The following EEF2KMT variants were observed in gnomAD, a reference collection of about 807,000 sequenced individuals.
EEF2KMT encodes eukaryotic elongation factor 2 lysine methyltransferase.
Under a neutral mutation model 35.1 loss-of-function variants are expected in EEF2KMT, and 30 were observed. That is an observed-to-expected ratio of 0.85 (90% CI 0.64 to 1.16). The LOEUF is 1.16. Ranked by LOEUF, EEF2KMT falls within the 50% of genes most tolerant of loss-of-function variation. The probability of loss-of-function intolerance (pLI) is 0.00; values close to 1 mark genes in which losing one functional copy is unlikely to be tolerated. For synonymous variants in EEF2KMT, 190 were observed against 187.7 expected (o/e 1.01, Z -0.10); for missense variants, 499 against 438.2 (o/e 1.14, Z -1.24).
At chr16:5,096,206 C>T (rs1957460953) in intron 1 of EEF2KMT, among the ~76,000 whole-genome samples, 1 of 152,188 alleles carries the variant, frequency 6.6e-6, no homozygotes, top group Non-Finnish European at 1.5e-5. Context: ...CCACTCAGGC[C>T]CCAGTTCAAA....
At chr16:5,091,582 G>T (rs1957341225) in intron 4 of EEF2KMT, among the ~76,000 whole-genome samples, 1 of 152,216 alleles carries the variant, frequency 6.6e-6, no homozygotes, top group African/African-American at 2.4e-5. Flanking sequence ...TCACCTATTG[G>T]ATAAGTGCCC....
chr16:5,095,081 C>CA (rs1367163801), intron 2 of EEF2KMT, among the ~76,000 whole-genome samples: 1 of 152,194 alleles, frequency 6.6e-6, no homozygotes, highest in Admixed American at 6.5e-5. Flanking sequence ...CTAGAGGAGA[C>CA]AGGAGTGGGC....
At position 5,097,634 on chromosome 16, in the gene EEF2KMT, C is replaced by G. The variant is rs1232920594; in HGVS notation, c.96+10G>C. The G allele has an allele frequency of 1.3e-6, 2 of 1,552,288 alleles. No individual in the cohort carries two copies. The highest frequency in any genetic ancestry group is 1.2e-5 in the South Asian group (1 of 85,100). On this transcript the variant is annotated intron_variant, in intron 1 of 7. Transcript: ENST00000427587. ...GCCCCGCGGGCCTCTCCGCTCGCCC[C>G]GCCGCCCACCTGCCAGGGGAAGGAG... is the stretch of plus-strand genomic sequence containing the variant.
rs9745522 is a variant in EEF2KMT at position 5,084,773 on chromosome 16, T to A, written c.*859A>T. On this transcript the variant is annotated 3_prime_UTR_variant, in exon 8 of 8. Coordinates refer to ENST00000427587, the MANE Select transcript of EEF2KMT (RefSeq NM_201400.4). ...AGATGCTTTTCTCAAACTTTCCTGATCCTGCGGGCAAGCTAAACCAGTTCC... is the reference window on the plus strand; with the variant it reads ...AGATGCTTTTCTCAAACTTTCCTGAACCTGCGGGCAAGCTAAACCAGTTCC... The A allele has an allele frequency of 0.1, 167,349 of 1,595,586 alleles. 8,236 individuals carry two copies. The highest frequency in any genetic ancestry group is 0.16 in the Admixed American group (9,644 of 59,974).
At chr16:5,092,046 G>C (rs1243095769) in intron 3 of EEF2KMT, 151 bp from the exon 4 acceptor site, 3 of 1,452,390 alleles carry the variant, frequency 2.1e-6, no homozygotes, top group Non-Finnish European at 9.3e-7. Flanking sequence ...GTTGGGCTTG[G>C]TGGTGTGTGC....
chr16:5,097,318 G>C, intron 1 of EEF2KMT: 1 of 1,378,886 alleles, frequency 7.3e-7, no homozygotes, highest in Non-Finnish European at 9.5e-7. Flanking sequence ...GAATGGGCGA[G>C]GGCAGCTGTG....
intron 2 of EEF2KMT, among the ~76,000 whole-genome samples, chr16:5,094,103 C>T (rs1957402016): frequency 6.6e-6 from 1 of 152,150 alleles, no homozygotes; most frequent in South Asian, 2.1e-4. Context: ...GAAAGGAGGG[C>T]AGAGGGACTG....
intron 2 of EEF2KMT, among the ~76,000 whole-genome samples, chr16:5,094,762 G>A (rs1168452991): frequency 1.4e-5 from 2 of 138,838 alleles, no homozygotes; most frequent in Admixed American, 7.1e-5. Context: ...CTCTAGCACA[G>A]GAATTCTTCA....
Position 5,089,275 on chromosome 16 carries a change from G to A in EEF2KMT, c.743-19C>T, listed in dbSNP as rs371553812. ...AGCACATCTATGGTGAAAGCTTCAGGTTACTGAAAGGGACCAGTGGACAGG... is the reference window on the plus strand; with the variant it reads ...AGCACATCTATGGTGAAAGCTTCAGATTACTGAAAGGGACCAGTGGACAGG... On this transcript the variant is annotated intron_variant, in intron 6 of 7. Coordinates refer to ENST00000427587, the MANE Select transcript of EEF2KMT (RefSeq NM_201400.4). The A allele has an allele frequency of 1.8e-5, 29 of 1,601,010 alleles. No homozygotes were observed. The East Asian group carries it at 2.2e-4, about 12-fold the overall frequency.
chr16:5,093,210 T>C (rs1438316222), intron 3 of EEF2KMT, among the ~76,000 whole-genome samples: 1 of 152,002 alleles, frequency 6.6e-6, no homozygotes, highest in Admixed American at 6.6e-5. Flanking sequence ...GCCAGCCTGG[T>C]AGGAATGAGA....
Position 5,097,131 on chromosome 16 carries a change from G to C in EEF2KMT, c.96+513C>G, listed in dbSNP as rs1957487436. 3 of 374,400 alleles carry C rather than the reference G, an allele frequency of 8.0e-6. No individual in the cohort carries two copies. In the South Asian group the frequency reaches 1.0e-4, roughly 13 times the overall value. 23.2% of individuals were successfully genotyped at this position (374,400 alleles called of 1,614,324 possible). ...ATGGCAGGTCCCCAGGGCGAGGAGA[G>C]GCCACCCCCTTCTCTGTCTCTTCCA... On this transcript the variant is annotated intron_variant, in intron 1 of 7. Transcript: ENST00000427587.
chr16:5,088,227 C>T (rs1957253984), intron 7 of EEF2KMT, among the ~76,000 whole-genome samples: 1 of 150,322 alleles, frequency 6.7e-6, no homozygotes, highest in Non-Finnish European at 1.5e-5. Context: ...CAGGCCTGAG[C>T]CCTGCGCCCG....
intron 2 of EEF2KMT, 141 bp from the exon 3 acceptor site, chr16:5,093,705 A>T: frequency 6.7e-7 from 1 of 1,496,530 alleles, no homozygotes; most frequent in Non-Finnish European, 8.9e-7. Context: ...TTTTGGCCCC[A>T]TGCATCTGAA....
Position 5,088,926 on chromosome 16 carries a change from T to TGCCGCAAGCCCCCCAC in EEF2KMT, c.892+165_892+180dup, listed in dbSNP as rs1176055106. On this transcript the variant is annotated intron_variant, in intron 7 of 7. Coordinates refer to ENST00000427587, the MANE Select transcript of EEF2KMT (RefSeq NM_201400.4). ...TCCCTGTGCTGAGCTGCCCTCCTCC[T>TGCCGCAAGCCCCCCAC]GCCGCAAGCCCCCCACGCCCCAAGC... 2.6e-5 allele frequency among the ~76,000 whole-genome samples: 4 copies of TGCCGCAAGCCCCCCAC among 152,202 alleles called. No homozygotes were observed. The East Asian group carries it at 7.7e-4, about 29-fold the overall frequency.
intron 1 of EEF2KMT, among the ~76,000 whole-genome samples, chr16:5,097,001 C>T (rs1957483460): frequency 6.6e-6 from 1 of 152,224 alleles, no homozygotes; most frequent in African/African-American, 2.4e-5. Flanking sequence ...CAAACTCACT[C>T]ATCCCAGTGA....
rs765758739 is a variant in EEF2KMT, at chr16:5,089,139, G to T, written c.860C>A (p.Pro287Gln). 19 of 1,612,802 alleles carry T rather than the reference G, an allele frequency of 1.2e-5. No homozygotes were observed. Among genetic ancestry groups the T allele is most frequent in the Non-Finnish European group, 1.5e-5 (18 of 1,179,856 alleles). The change falls in exon 7 of 8, where the codon CCA becomes CAA. Residue 287 changes from proline (P) to glutamine (Q), a missense_variant. By Grantham distance (76) the Pro-to-Gln change is moderately conservative. Transcript: ENST00000427587. Reference protein sequence around the residue: ...EVYVAFTVRNPETCQLFTTEL... With the variant: ...EVYVAFTVRNQETCQLFTTEL... ...GGTGGTGAACAGCTGGCACGTCTCT[G>T]GGTTGCGGACGGTAAAGGCCACGTA... is the stretch of plus-strand genomic sequence containing the variant.
intron 1 of EEF2KMT, among the ~76,000 whole-genome samples, chr16:5,096,339 GTTTA>G (rs1227668830): frequency 2.6e-5 from 4 of 152,102 alleles, no homozygotes; most frequent in Non-Finnish European, 4.4e-5. Context: ...GTCTTTTCTT[GTTTA>G]TTTATTTGTT....
At chr16:5,095,076 G>A (rs11640945) in intron 2 of EEF2KMT, among the ~76,000 whole-genome samples, 126,536 of 152,154 alleles carry the variant, frequency 0.83, 52,948 homozygotes, top group East Asian at 0.9. Context: ...TAGGTCTAGA[G>A]GAGACAGGAG....
At chr16:5,093,151 A>G (rs1401206333) in intron 3 of EEF2KMT, among the ~76,000 whole-genome samples, 1 of 152,202 alleles carries the variant, frequency 6.6e-6, no homozygotes, top group Non-Finnish European at 1.5e-5. Flanking sequence ...CAAACCCTTC[A>G]GCGGGCAGGA....
Sources: gnomAD v4.1 joint callset for allele counts (sites outside exome capture counted in the v4.1 genomes callset) on GRCh38, gnomAD v4.1.1 for gene constraint, MANE v1.5 for transcripts, NCBI Gene and HGNC (gene_info 2026-07-23, HGNC 2026-07-21) for gene names.